GRID2: variants seen among roughly 807,000 people sequenced by gnomAD.
The protein encoded by GRID2 is glutamate receptor ionotropic, delta-2.
GRID2 carries 33 observed loss-of-function variants against 114.8 expected under a neutral mutation model. The observed-to-expected ratio is 0.29, with a 90% confidence interval of 0.22 to 0.38. The LOEUF (loss-of-function observed/expected upper bound fraction) is 0.38. GRID2 is among the 10% of genes least tolerant of loss of function. The pLI is 1.00. For synonymous variants in GRID2, 505 were observed against 449.9 expected (o/e 1.12, Z -1.55); for missense variants, 1,184 against 1,257.7 (o/e 0.94, Z 0.89).
intron 14 of GRID2, among the ~76,000 whole-genome samples, chr4:93,766,226 AG>A (rs1733660385): frequency 6.6e-6 from 1 of 152,224 alleles, no homozygotes; most frequent in African/African-American, 2.4e-5. Context: ...ACTGCTATGA[AG>A]AAATACCCAA....
At chr4:93,478,253 AG>A (rs1725507289) in intron 11 of GRID2, among the ~76,000 whole-genome samples, 1 of 152,142 alleles carries the variant, frequency 6.6e-6, no homozygotes, top group Admixed American at 6.6e-5. Flanking sequence ...GGCACTTAAA[AG>A]TTAAGTTAAA....
intron 2 of GRID2, among the ~76,000 whole-genome samples, chr4:92,628,150 C>T (rs2149243954): frequency 6.6e-6 from 1 of 152,102 alleles, no homozygotes; most frequent in Admixed American, 6.6e-5. Context: ...TTAACAATTG[C>T]TTACCACATT....
intron 14 of GRID2, among the ~76,000 whole-genome samples, chr4:93,699,585 C>G (rs1463553590): frequency 6.6e-6 from 1 of 152,008 alleles, no homozygotes; most frequent in African/African-American, 2.4e-5. Flanking sequence ...ACATAGCTAG[C>G]TAATTGAAGA....
At chr4:92,864,332 G>T (rs549788165) in intron 2 of GRID2, among the ~76,000 whole-genome samples, 1 of 152,132 alleles carries the variant, frequency 6.6e-6, no homozygotes, top group African/African-American at 2.4e-5. Flanking sequence ...CTGACACTTC[G>T]TTACAGTCTT....
intron 14 of GRID2, among the ~76,000 whole-genome samples, chr4:93,704,918 G>A (rs1262118025): frequency 6.6e-6 from 1 of 152,150 alleles, no homozygotes; most frequent in Non-Finnish European, 1.5e-5. Context: ...ATACATAGGA[G>A]TGCAGACACC....
intron 10 of GRID2, among the ~76,000 whole-genome samples, chr4:93,430,527 G>A (rs956855605): frequency 6.6e-6 from 1 of 152,220 alleles, no homozygotes; most frequent in Non-Finnish European, 1.5e-5. Flanking sequence ...TTAATCACAT[G>A]CCATGGTCAA....
At chr4:93,745,205 G>A (rs899409983) in intron 14 of GRID2, among the ~76,000 whole-genome samples, 11 of 151,968 alleles carry the variant, frequency 7.2e-5, no homozygotes, top group African/African-American at 1.5e-4. Context: ...CCAACTGCTC[G>A]ATCCAGTGTA....
chr4:92,874,117 C>G lies in GRID2; in HGVS notation c.245-210878C>G, dbSNP rs1745465789. On this transcript the variant is annotated intron_variant, in intron 2 of 15. Transcript: ENST00000282020. The stretch of plus-strand genomic sequence containing the variant: ...AGCAGGAACTGATAAAGGGACCCTT[C>G]TCACTTGGAAACCCTCAACCTTTGA... 2.0e-5 allele frequency among the ~76,000 whole-genome samples: 3 copies of G among 152,184 alleles called. No individual in the cohort carries two copies. In the South Asian group the frequency reaches 6.2e-4, roughly 32 times the overall value.
At position 93,276,965 on chromosome 4, in the gene GRID2, G is replaced by A. The variant is rs557268935; in HGVS notation, c.1245+38475G>A. Among the ~76,000 whole-genome samples the A allele has an allele frequency of 1.6e-4, 24 of 151,702 alleles. No homozygotes were observed. The South Asian group carries it at 4.4e-3, about 28-fold the overall frequency. On this transcript the variant is annotated intron_variant, in intron 8 of 15. Transcript: ENST00000282020. ...AGCCATCAATAAATATTTTAATAAG[G>A]TACTGTACAAAGCAAAATGGATTTA...
intron 8 of GRID2, among the ~76,000 whole-genome samples, chr4:93,282,175 A>G (rs1341469470): frequency 6.6e-6 from 1 of 152,030 alleles, no homozygotes; most frequent in African/African-American, 2.4e-5. Context: ...AAACCAATCT[A>G]TAAGGGAGAA....
chr4:92,516,880 C>A (rs974853961), intron 1 of GRID2, among the ~76,000 whole-genome samples: 39 of 151,926 alleles, frequency 2.6e-4, no homozygotes, highest in African/African-American at 7.2e-4. Context: ...GTAGTAGATT[C>A]TTTGCCTAAT....
intron 11 of GRID2, among the ~76,000 whole-genome samples, chr4:93,468,774 A>G (rs950281530): frequency 6.6e-6 from 1 of 152,070 alleles, no homozygotes; most frequent in East Asian, 1.9e-4. Flanking sequence ...TAAGACAAAT[A>G]TATGTAATTG....
intron 2 of GRID2, among the ~76,000 whole-genome samples, chr4:93,051,916 T>C (rs1398999971): frequency 1.3e-5 from 2 of 151,912 alleles, no homozygotes; most frequent in African/African-American, 4.8e-5. Context: ...AGGTAGTGTT[T>C]TTGCTTTCAT....
intron 2 of GRID2, among the ~76,000 whole-genome samples, chr4:92,743,774 T>C (rs1404144315): frequency 6.6e-6 from 1 of 152,180 alleles, no homozygotes; most frequent in Admixed American, 6.5e-5. Flanking sequence ...GCTACTTGTA[T>C]CTCATCTGCT....
At chr4:93,450,734 T>C (rs533232169) in intron 10 of GRID2, among the ~76,000 whole-genome samples, 1 of 151,928 alleles carries the variant, frequency 6.6e-6, no homozygotes, top group South Asian at 2.1e-4. Context: ...AAAATGTATT[T>C]ATATTCCAGT....
chr4:92,615,084 T>C lies in GRID2; in HGVS notation c.244+24798T>C, dbSNP rs1216778921. Reference sequence around the variant, plus strand: ...ACAATAGTAATATATTTCTTAAAAGTCTGGAGACTAAAAGTCCAAGAACAA... The same window carrying C: ...ACAATAGTAATATATTTCTTAAAAGCCTGGAGACTAAAAGTCCAAGAACAA... On this transcript the variant is annotated intron_variant, in intron 2 of 15. Transcript: ENST00000282020. Among the ~76,000 whole-genome samples the C allele has an allele frequency of 2.0e-5, 3 of 151,548 alleles. No homozygotes were observed. In the Admixed American group the frequency reaches 2.0e-4, roughly 10 times the overall value.
chr4:93,558,924 G>C (rs1377614515), intron 13 of GRID2, among the ~76,000 whole-genome samples: 2 of 152,098 alleles, frequency 1.3e-5, no homozygotes, highest in Non-Finnish European at 2.9e-5. Flanking sequence ...TGCAAAGCTG[G>C]TTCAGCATAT....
rs184191347 is a variant in GRID2, at chr4:93,510,792, A to G, written c.1998-4424A>G. Among the ~76,000 whole-genome samples the G allele has an allele frequency of 1.0e-3, 159 of 152,350 alleles. 2 individuals are homozygous for G. In the South Asian group the frequency reaches 0.018, roughly 17 times the overall value. On this transcript the variant is annotated intron_variant, in intron 12 of 15. Coordinates refer to ENST00000282020, the MANE Select transcript of GRID2 (RefSeq NM_001510.4). ...AGGAATCATCAACATCATAATCTTTATATAAAAACAGTAGAAACCTGATCA... is the reference window on the plus strand; with the variant it reads ...AGGAATCATCAACATCATAATCTTTGTATAAAAACAGTAGAAACCTGATCA...
chr4:92,908,454 G>A lies in GRID2; in HGVS notation c.245-176541G>A, dbSNP rs532803915. Among the ~76,000 whole-genome samples the A allele has an allele frequency of 4.8e-3, 723 of 149,906 alleles. 4 individuals carry two copies. The highest frequency in any genetic ancestry group is 9.0e-3 in the Non-Finnish European group (612 of 67,636). On this transcript the variant is annotated intron_variant, in intron 2 of 15. Transcript: ENST00000282020. ...AGAGCTTTCTTAGAAAAATATTAGC[G>A]TTAAAAATGTGACCATTACTTGTCG...
Sources: allele counts gnomAD v4.1 joint callset (sites outside exome capture counted in the v4.1 genomes callset), GRCh38; gene constraint gnomAD v4.1.1; transcripts MANE v1.5; gene names NCBI Gene and HGNC (gene_info 2026-07-23, HGNC 2026-07-21).